CGA: variants seen among roughly 807,000 people sequenced by gnomAD.
The protein encoded by CGA is glycoprotein hormones, alpha polypeptide.
Under a neutral mutation model 12.0 loss-of-function variants are expected in CGA, and 4 were observed. The observed-to-expected ratio is 0.33, with a 90% CI of 0.16 to 0.76. The LOEUF (loss-of-function observed/expected upper bound fraction) is 0.76, where lower values mean the gene tolerates loss of function less well. Among genes scored for constraint, CGA ranks in the 30% least tolerant of loss-of-function variants. The pLI, the probability that CGA is intolerant of heterozygous loss-of-function variation, is 0.60. For missense variants in CGA, 102 were observed against 143.5 expected, an observed-to-expected ratio of 0.71 and a Z score of 1.48; for synonymous variants, 60 against 56.6, an observed-to-expected ratio of 1.06 and a Z score of -0.27.
rs1769322712 is a variant in CGA, at chr6:87,086,321, T to C, written c.202A>G (p.Lys68Glu). The C allele has an allele frequency of 6.2e-7, 1 of 1,614,098 alleles. No individual in the cohort carries two copies. Among genetic ancestry groups the C allele is most frequent in the Non-Finnish European group, 8.5e-7 (1 of 1,180,016 alleles). ...TTCTTTTGGACCAACATCGTCTTCT[T>C]GGACCTTAGTGGAGTGGGATATGCT... is the stretch of plus-strand genomic sequence containing the variant. Reference protein sequence around the residue: ...SRAYPTPLRSKKTMLVQKNVT... With the variant: ...SRAYPTPLRSEKTMLVQKNVT... Residue 68 changes from lysine to glutamate, a missense_variant, in exon 3 of 4, where the codon AAG becomes GAG. Lys to Glu is a moderately conservative substitution (Grantham distance 56, BLOSUM62 1). Transcript: ENST00000627148.
chr6:87,090,054 C>T (rs553464183), intron 1 of CGA, among the ~76,000 whole-genome samples: 1 of 152,080 alleles, frequency 6.6e-6, no homozygotes, highest in Non-Finnish European at 1.5e-5. Flanking sequence ...GATACTCAAC[C>T]TGTATAGAAA....
At chr6:87,088,308 T>C in intron 1 of CGA, 101 bp from the exon 2 acceptor site, 2 of 601,786 alleles carry the variant, frequency 3.3e-6, no homozygotes, top group Non-Finnish European at 5.7e-6. Context: ...TTACTATTAA[T>C]AATAGTCATC....
intron 2 of CGA, 157 bp from the exon 3 acceptor site, chr6:87,086,591 A>G: frequency 1.6e-6 from 1 of 620,580 alleles, no homozygotes. Context: ...AGCCTGGGCA[A>G]CATGGTGAAA....
chr6:87,091,630 C>T (rs1291781484), intron 1 of CGA, among the ~76,000 whole-genome samples: 1 of 152,148 alleles, frequency 6.6e-6, no homozygotes, highest in African/African-American at 2.4e-5. Flanking sequence ...CCTTATATCC[C>T]ATCACCCACC....
rs1348675123 is a variant in CGA at position 87,088,171 on chromosome 6, G to T, written c.30C>A (p.Ile10=). The change falls in exon 2 of 4, where the codon ATC becomes ATA. Residue 10 remains isoleucine, a synonymous_variant. Transcript: ENST00000627148. MDYYRKYAA[I]FLVTLSVFLH... is the part of the protein sequence containing the mutation. ...GAAACACCGACAATGTGACCAGAAAGATAGCTGCATATTTTCTGTAGTAAT... is the reference window on the plus strand; with the variant it reads ...GAAACACCGACAATGTGACCAGAAATATAGCTGCATATTTTCTGTAGTAAT... 1 of 1,560,338 alleles carries T rather than the reference G, an allele frequency of 6.4e-7. No homozygotes were observed. Among genetic ancestry groups the T allele is most frequent in the African/African-American group, 1.5e-5 (1 of 67,762 alleles).
intron 2 of CGA, among the ~76,000 whole-genome samples, chr6:87,086,814 A>T (rs572989208): frequency 1.3e-5 from 2 of 152,066 alleles, no homozygotes; most frequent in South Asian, 4.2e-4. Flanking sequence ...GTGGTGGCTC[A>T]CGCCTGTAAT....
intron 2 of CGA, among the ~76,000 whole-genome samples, chr6:87,087,149 G>C (rs113530868): frequency 0.017 from 2,538 of 152,268 alleles, 71 homozygotes; most frequent in African/African-American, 0.058. Flanking sequence ...CTTATTATGG[G>C]ATAGTGAATA....
chr6:87,088,835 T>C (rs1315638708), intron 1 of CGA: 1 of 152,202 alleles, frequency 6.6e-6, no homozygotes, highest in East Asian at 1.9e-4. Context: ...GGAAATACTT[T>C]GGCAGTTTCT....
At chr6:87,088,378 T>TA (rs891586813) in intron 1 of CGA, among the ~76,000 whole-genome samples, 171 bp from the exon 2 acceptor site, 1 of 152,038 alleles carries the variant, frequency 6.6e-6, no homozygotes, top group East Asian at 1.9e-4. Flanking sequence ...TAATTTTTTT[T>TA]AAAAAAAGTT....
At chr6:87,091,048 C>CT in intron 1 of CGA, among the ~76,000 whole-genome samples, 1 of 152,206 alleles carries the variant, frequency 6.6e-6, no homozygotes, top group Middle Eastern at 3.4e-3. Context: ...AACTAGTTTC[C>CT]TTTTTAAACT....
intron 1 of CGA, among the ~76,000 whole-genome samples, chr6:87,094,377 T>C (rs1399032707): frequency 1.3e-5 from 2 of 152,240 alleles, no homozygotes; most frequent in African/African-American, 4.8e-5. Flanking sequence ...CAGAAACTCA[T>C]TGGAACTAAT....
At chr6:87,088,612 T>G (rs1038817741) in intron 1 of CGA, among the ~76,000 whole-genome samples, 24 of 152,076 alleles carry the variant, frequency 1.6e-4, no homozygotes, top group African/African-American at 5.6e-4. Context: ...ATATGAGATA[T>G]AAAATATACA....
rs139368248 is a variant in CGA, at chr6:87,094,269, G to C, written c.-8+744C>G. 1.1e-3 allele frequency among the ~76,000 whole-genome samples: 165 copies of C among 151,882 alleles called. 1 individual carries two copies. Among genetic ancestry groups the C allele is most frequent in the Middle Eastern group, 3.4e-3 (1 of 294 alleles). On this transcript the variant is annotated intron_variant, in intron 1 of 3. Coordinates refer to ENST00000627148, the MANE Select transcript of CGA (RefSeq NM_000735.4). The stretch of plus-strand genomic sequence containing the variant: ...CCTATTCTTCAACGCTAATAAGGAG[G>C]GACAAAAAAGGTCTTTTATTTTCTA...
chr6:87,090,979 G>A (rs73499717), intron 1 of CGA, among the ~76,000 whole-genome samples: 9,080 of 151,694 alleles, frequency 0.06, 343 homozygotes, highest in Middle Eastern at 0.17. Context: ...AGTGTAAACA[G>A]GTTCTGAGAT....
intron 1 of CGA, among the ~76,000 whole-genome samples, chr6:87,088,555 A>G (rs1769372028): frequency 6.6e-6 from 1 of 152,080 alleles, no homozygotes; most frequent in Non-Finnish European, 1.5e-5. Context: ...TTTGTAAAAC[A>G]TGGAACTTAA....
intron 2 of CGA, chr6:87,086,642 C>T: frequency 1.9e-6 from 1 of 534,422 alleles, no homozygotes. Context: ...AAAAATTAGC[C>T]AGACGTGATG....
Position 87,086,454 on chromosome 6 carries a change from G to A in CGA, c.89-20C>T, listed in dbSNP as rs764619923. 17 of 1,581,986 alleles carry A rather than the reference G, an allele frequency of 1.1e-5. No homozygotes were observed. The highest frequency in any genetic ancestry group is 1.9e-5 in the Admixed American group (1 of 52,238). On this transcript the variant is annotated intron_variant, in intron 2 of 3. Transcript: ENST00000627148. The stretch of plus-strand genomic sequence containing the variant: ...GGCAATCTATCAGGGAAAAAAAAAG[G>A]CAGAGTAAAATATCCAAAAAAGACT...
chr6:87,094,277 A>G (rs563671604), intron 1 of CGA, among the ~76,000 whole-genome samples: 1 of 152,284 alleles, frequency 6.6e-6, no homozygotes, highest in African/African-American at 2.4e-5. Context: ...AGGGACAAAA[A>G]AGGTCTTTTA....
At chr6:87,085,956 A>C (rs1769314329) in intron 3 of CGA, 123 bp from the exon 4 acceptor site, 2 of 748,010 alleles carry the variant, frequency 2.7e-6, no homozygotes, top group Non-Finnish European at 4.6e-6. Flanking sequence ...TGCATACTAC[A>C]TTTGCACAGT....
Sources: allele counts gnomAD v4.1 joint callset (sites outside exome capture counted in the v4.1 genomes callset), GRCh38; gene constraint gnomAD v4.1.1; transcripts MANE v1.5; gene names NCBI Gene and HGNC (gene_info 2026-07-23, HGNC 2026-07-21).